Variants in ADGRL3 observed in about 807,000 individuals in gnomAD.
The protein encoded by ADGRL3 is calcium-independent alpha-latrotoxin receptor 3.
In ADGRL3, 62 loss-of-function variants were observed where a neutral mutation model predicts 153.5. The ratio of observed to expected loss-of-function variants is 0.40; its 90% CI spans 0.33 to 0.50. The LOEUF is 0.50. Ranked by LOEUF, ADGRL3 falls within the 20% of genes least tolerant of loss-of-function variation. The pLI is 0.47. For synonymous variants in ADGRL3, 710 were observed against 672.5 expected (o/e 1.06, Z -0.86); for missense variants, 1,641 against 1,859.4 (o/e 0.88, Z 2.16).
chr4:62,027,747 T>TCTG (rs1719587293), intron 21 of ADGRL3, among the ~76,000 whole-genome samples: 1 of 151,982 alleles, frequency 6.6e-6, no homozygotes, highest in Non-Finnish European at 1.5e-5. Context: ...CATTTTGTGT[T>TCTG]AGACACGGTT....
chr4:61,854,097 T>C (rs1215399591), intron 9 of ADGRL3, among the ~76,000 whole-genome samples: 1 of 152,224 alleles, frequency 6.6e-6, no homozygotes, highest in Non-Finnish European at 1.5e-5. Flanking sequence ...TGCCTCTTTA[T>C]TGGTAGGATT....
intron 5 of ADGRL3, among the ~76,000 whole-genome samples, chr4:61,643,516 C>G (rs912867137): frequency 1.9e-4 from 29 of 151,594 alleles, no homozygotes; most frequent in Admixed American, 2.6e-4. Flanking sequence ...TGAATTTTGT[C>G]AAAGGACTTT....
At chr4:61,711,461 TATATATATATATATA>T (rs1580399371) in intron 6 of ADGRL3, among the ~76,000 whole-genome samples, 1 of 70,116 alleles carries the variant, frequency 1.4e-5, no homozygotes, top group East Asian at 6.5e-4. Flanking sequence ...TGCTTCATTA[TATATATATATATATA>T]TATATATATA....
chr4:62,008,727 A>C (rs1343084109), intron 21 of ADGRL3, among the ~76,000 whole-genome samples: 1 of 151,478 alleles, frequency 6.6e-6, no homozygotes, highest in Admixed American at 6.6e-5. Context: ...GTATATATGC[A>C]TGTGTGTGTA....
chr4:61,775,370 G>A (rs193196819), intron 8 of ADGRL3: 109 of 417,210 alleles, frequency 2.6e-4, no homozygotes, highest in African/African-American at 2.0e-3. Flanking sequence ...TTACAGTAAT[G>A]GAAAAGCTAA....
At chr4:61,259,348 G>T (rs1436986232) in intron 1 of ADGRL3, among the ~76,000 whole-genome samples, 1 of 151,924 alleles carries the variant, frequency 6.6e-6, no homozygotes, top group Non-Finnish European at 1.5e-5. Context: ...GCGTGAACCC[G>T]GGAGGCGGAG....
intron 1 of ADGRL3, among the ~76,000 whole-genome samples, chr4:61,273,467 G>A (rs553415669): frequency 6.6e-6 from 1 of 152,302 alleles, no homozygotes; most frequent in South Asian, 2.1e-4. Context: ...GAGTTGCACA[G>A]ATTCTGTACT....
chr4:61,307,255 T>C (rs377236921), intron 1 of ADGRL3, among the ~76,000 whole-genome samples: 9 of 152,222 alleles, frequency 5.9e-5, no homozygotes, highest in African/African-American at 1.9e-4. Flanking sequence ...AAAATGGTTA[T>C]TACTACATGA....
chr4:61,608,036 C>T (rs557799508), intron 5 of ADGRL3, among the ~76,000 whole-genome samples: 1 of 152,160 alleles, frequency 6.6e-6, no homozygotes, highest in Admixed American at 6.5e-5. Flanking sequence ...GGATTCAGAC[C>T]GTGAGAAAAG....
chr4:61,727,728 T>C (rs935411858), intron 6 of ADGRL3, among the ~76,000 whole-genome samples: 1 of 152,184 alleles, frequency 6.6e-6, no homozygotes, highest in Non-Finnish European at 1.5e-5. Flanking sequence ...ACAAATTGCT[T>C]ATAAATTTTA....
chr4:61,636,698 AATAAATTTTCATTTAT>A (rs1184359216), intron 5 of ADGRL3, among the ~76,000 whole-genome samples: 5 of 151,626 alleles, frequency 3.3e-5, no homozygotes, highest in African/African-American at 1.2e-4. Context: ...AATAAATATA[AATAAATTTTCATTTAT>A]ATAAATAGGA....
At chr4:61,214,650 TA>T (rs1741779404) in intron 1 of ADGRL3, among the ~76,000 whole-genome samples, 1 of 152,142 alleles carries the variant, frequency 6.6e-6, no homozygotes, top group Non-Finnish European at 1.5e-5. Context: ...AAGAGTTAGG[TA>T]CAGGCTGGAT....
chr4:61,479,800 CT>C (rs2098112764), intron 2 of ADGRL3, among the ~76,000 whole-genome samples: 1 of 151,976 alleles, frequency 6.6e-6, no homozygotes, highest in Non-Finnish European at 1.5e-5. Context: ...TGGGTTCTCT[CT>C]CTTTTTTTAT....
At chr4:61,935,172 C>T (rs2098832985) in intron 14 of ADGRL3, 149 bp downstream of exon 14, 1 of 656,066 alleles carries the variant, frequency 1.5e-6, no homozygotes, top group African/African-American at 1.8e-5. Context: ...GAGGGCATCA[C>T]TTGTCATTGG....
intron 25 of ADGRL3, among the ~76,000 whole-genome samples, chr4:62,046,548 A>G (rs1731228734): frequency 6.6e-6 from 1 of 151,994 alleles, no homozygotes; most frequent in Non-Finnish European, 1.5e-5. Flanking sequence ...AAGTCTGTTT[A>G]TCAAAATCTC....
intron 1 of ADGRL3, among the ~76,000 whole-genome samples, chr4:61,249,305 A>G (rs1319054030): frequency 1.3e-5 from 2 of 152,184 alleles, no homozygotes; most frequent in East Asian, 1.9e-4. Flanking sequence ...AGAAAACCCA[A>G]CATATTAGGG....
chr4:61,789,779 A>G (rs934551470), intron 8 of ADGRL3, among the ~76,000 whole-genome samples: 5 of 152,318 alleles, frequency 3.3e-5, no homozygotes, highest in African/African-American at 1.2e-4. Context: ...CTTATATACT[A>G]GAACATACAT....
At chr4:61,208,144 A>G (rs1738204234) in intron 1 of ADGRL3, among the ~76,000 whole-genome samples, 1 of 152,132 alleles carries the variant, frequency 6.6e-6, no homozygotes, top group Admixed American at 6.6e-5. Flanking sequence ...CAAAGGAGTC[A>G]AGGGGAAAAT....
intron 3 of ADGRL3, among the ~76,000 whole-genome samples, chr4:61,501,893 G>A (rs1426654977): frequency 6.6e-6 from 1 of 152,046 alleles, no homozygotes; most frequent in Non-Finnish European, 1.5e-5. Context: ...TCCATATTCT[G>A]TGTCTCTGTG....
Sources: gnomAD v4.1 joint callset for allele counts (sites outside exome capture counted in the v4.1 genomes callset) on GRCh38, gnomAD v4.1.1 for gene constraint, MANE v1.5 for transcripts, NCBI Gene and HGNC (gene_info 2026-07-23, HGNC 2026-07-21) for gene names.